The following SPN variants were observed in gnomAD, a reference collection of about 807,000 sequenced individuals.
SPN encodes sialophorin, also known as leukosialin.
In SPN, 6 loss-of-function variants were observed where a neutral mutation model predicts 8.4. The ratio of observed to expected loss-of-function variants is 0.72; its 90% confidence interval spans 0.39 to 1.42. SPN has a LOEUF of 1.42. Ranked by LOEUF, SPN falls within the 40% of genes most tolerant of loss-of-function variation. The pLI, the probability that SPN is intolerant of heterozygous loss-of-function variation, is 0.02. For synonymous variants in SPN, 201 were observed against 222.6 expected (o/e 0.90, Z 0.86); for missense variants, 517 against 530.6 (o/e 0.97, Z 0.25).
At position 29,664,932 on chromosome 16, in the gene SPN, G is replaced by T. The variant is rs775515010; in HGVS notation, c.*1G>T. ...AGGGGGAGACGGGGCTGCCCCTTAA[G>T]TGTCGGTGAATAGTGAGGCTGGAGG... On this transcript the variant is annotated 3_prime_UTR_variant, in exon 2 of 2. Transcript: ENST00000652691. This position sits in a 1 kb window ranked among gnomAD's most constrained non-coding sequence, Gnocchi z 6.4. 7.2e-7 allele frequency: 1 copy of T among 1,390,574 alleles called. No individual in the cohort carries two copies. The highest frequency in any genetic ancestry group is 2.8e-5 in the Admixed American group (1 of 36,350). The allele number at this position is 1,390,574 out of a possible 1,614,324, so 86.1% of individuals were successfully genotyped here.
In SPN at chr16:29,667,519, T is replaced by A. The variant is rs532677254; in HGVS notation, c.*2588T>A. ...CAGGCCGGGTGCGGTGGCTCACGCCTGTAATCTCAGCACTTTGGGAGGCCA... is the reference window on the plus strand; with the variant it reads ...CAGGCCGGGTGCGGTGGCTCACGCCAGTAATCTCAGCACTTTGGGAGGCCA... On this transcript the variant is annotated 3_prime_UTR_variant, in exon 2 of 2. Coordinates refer to ENST00000652691, the MANE Select transcript of SPN (RefSeq NM_003123.6). 6.0e-6 allele frequency: 1 copy of A among 166,116 alleles called. No individual in the cohort carries two copies. Among genetic ancestry groups the A allele is most frequent in the African/African-American group, 2.4e-5 (1 of 41,578 alleles). 10.3% of individuals were successfully genotyped at this position (166,116 alleles called of 1,614,324 possible).
chr16:29,668,918 A>AG lies in SPN; in HGVS notation c.*3990dup, dbSNP rs1407764012. The AG allele has an allele frequency of 3.0e-5, 5 of 166,322 alleles. No individual in the cohort carries two copies. The highest frequency in any genetic ancestry group is 1.2e-4 in the African/African-American group (5 of 41,294). The allele number at this position is 166,322 out of a possible 1,614,324, so 10.3% of individuals were successfully genotyped here. On this transcript the variant is annotated 3_prime_UTR_variant, in exon 2 of 2. Transcript: ENST00000652691. ...ATCCCAGCACTTTGGGAGGCAGAGC[A>AG]GGGAGGATTGCTTGAGTCTAGGAGT...
Position 29,663,531 on chromosome 16 carries a change from A to C in SPN, c.-34-164A>C, listed in dbSNP as rs1966761531. 1.3e-5 allele frequency among the ~76,000 whole-genome samples: 2 copies of C among 152,168 alleles called. No homozygotes were observed. Among genetic ancestry groups the C allele is most frequent in the African/African-American group, 4.8e-5 (2 of 41,442 alleles). On this transcript the variant is annotated intron_variant, in intron 1 of 1. Coordinates refer to ENST00000652691, the MANE Select transcript of SPN (RefSeq NM_003123.6). The surrounding 1 kb of genome is among the most constrained non-coding windows in gnomAD (Gnocchi z 4.3). Reference sequence around the variant, plus strand: ...TGGGGCTGATGGGGGAGCTGCCAGCATCTGTTCCTCTGTCATTTCTGATAA... The same window carrying C: ...TGGGGCTGATGGGGGAGCTGCCAGCCTCTGTTCCTCTGTCATTTCTGATAA...
chr16:29,670,161 G>A lies in SPN; in HGVS notation c.*5230G>A, dbSNP rs1966845115. The stretch of plus-strand genomic sequence containing the variant: ...TATAGTGAGCTGTGATCATGCCACT[G>A]CACTCCAGCCTGGGCAATAGTGTGA... On this transcript the variant is annotated 3_prime_UTR_variant, in exon 2 of 2. Coordinates refer to ENST00000652691, the MANE Select transcript of SPN (RefSeq NM_003123.6). The A allele has an allele frequency of 6.4e-6, 1 of 155,710 alleles. No homozygotes were observed. 9.6% of individuals were successfully genotyped at this position (155,710 alleles called of 1,614,324 possible).
rs547786928 is a variant in SPN at position 29,667,594 on chromosome 16, G to C, written c.*2663G>C. ...AGTTTGAGACCAGCCTGGCCAATAT[G>C]ATGAAACCCCGTTTCTACTAAAAAT... On this transcript the variant is annotated 3_prime_UTR_variant, in exon 2 of 2. Transcript: ENST00000652691. 6.5e-6 allele frequency: 1 copy of C among 154,692 alleles called. No individual in the cohort carries two copies. Among genetic ancestry groups the C allele is most frequent in the Middle Eastern group, 3.4e-3 (1 of 294 alleles). 9.6% of individuals were successfully genotyped at this position (154,692 alleles called of 1,614,324 possible).
chr16:29,666,971 T>C lies in SPN; in HGVS notation c.*2040T>C. ...CCTGCAAAAAAAGACAGGGGAGGCA[T>C]GTGAGTGTGACAGCCCTGCTCTGTG... On this transcript the variant is annotated 3_prime_UTR_variant, in exon 2 of 2. Coordinates refer to ENST00000652691, the MANE Select transcript of SPN (RefSeq NM_003123.6). 2.1e-6 allele frequency: 1 copy of C among 470,462 alleles called. No homozygotes were observed. The allele number at this position is 470,462 out of a possible 1,614,324, so 29.1% of individuals were successfully genotyped here.
At position 29,664,519 on chromosome 16, in the gene SPN, T is replaced by C. The variant is rs1596770864; in HGVS notation, c.791T>C (p.Leu264Pro). The C allele has an allele frequency of 6.2e-7, 1 of 1,614,156 alleles. No homozygotes were observed. The highest frequency in any genetic ancestry group is 8.5e-7 in the Non-Finnish European group (1 of 1,180,020). The change falls in exon 2 of 2, where the codon CTG becomes CCG. Residue 264 changes from leucine (L) to proline (P), a missense_variant. Coordinates refer to ENST00000652691, the MANE Select transcript of SPN (RefSeq NM_003123.6). This position sits in a 1 kb window ranked among gnomAD's most constrained non-coding sequence, Gnocchi z 6.4. ...GMLPVAVLVALLAVIVLVALL... is the reference protein window; with the variant it reads ...GMLPVAVLVAPLAVIVLVALL... Reference sequence around the variant, plus strand: ...CTGCCAGTGGCTGTGCTTGTGGCCCTGCTGGCGGTCATAGTCCTCGTGGCT... The same window carrying C: ...CTGCCAGTGGCTGTGCTTGTGGCCCCGCTGGCGGTCATAGTCCTCGTGGCT...
In SPN at chr16:29,668,844, T is replaced by TAA. The variant is rs869172851; in HGVS notation, c.*3924_*3925dup. 3 of 152,628 alleles carry TAA rather than the reference T, an allele frequency of 2.0e-5. No homozygotes were observed. The highest frequency in any genetic ancestry group is 5.2e-5 in the African/African-American group (2 of 38,574). 9.5% of individuals were successfully genotyped at this position (152,628 alleles called of 1,614,324 possible). On this transcript the variant is annotated 3_prime_UTR_variant, in exon 2 of 2. Coordinates refer to ENST00000652691, the MANE Select transcript of SPN (RefSeq NM_003123.6). ...GGGATAGCAGGTGGAAATACATAAT[T>TAA]AAAAAAAAAAAACGTGGAGCAGATC...
rs200527614 is a variant in SPN, at chr16:29,664,055, C to T, written c.327C>T (p.Thr109=). Residue 109 remains threonine, a synonymous_variant, in exon 2 of 2, where the codon ACC becomes ACT. Transcript: ENST00000652691. This position sits in a 1 kb window ranked among gnomAD's most constrained non-coding sequence, Gnocchi z 6.4. ...AGATGTCATCAGTGCCCCAGGAAACCCCTCATGCAACCAGTCATCCTGCTG... is the reference window on the plus strand; with the variant it reads ...AGATGTCATCAGTGCCCCAGGAAACTCCTCATGCAACCAGTCATCCTGCTG... ...SIKMSSVPQE[T]PHATSHPAVP... is the part of the protein sequence containing the mutation. The T allele has an allele frequency of 6.8e-5, 110 of 1,613,998 alleles. No homozygotes were observed. The highest frequency in any genetic ancestry group is 6.3e-5 in the Non-Finnish European group (74 of 1,180,002).
rs1966834937 is a variant in SPN at position 29,667,818 on chromosome 16, G to A, written c.*2887G>A. 2 of 163,472 alleles carry A rather than the reference G, an allele frequency of 1.2e-5. No individual in the cohort carries two copies. Among genetic ancestry groups the A allele is most frequent in the Non-Finnish European group, 1.5e-5 (1 of 68,086 alleles). The allele number at this position is 163,472 out of a possible 1,614,324, so 10.1% of individuals were successfully genotyped here. ...AATAAATAAAAGAGAGGCACAAACAGTGTTATGAATGCACCAAGGAAAATG... is the reference window on the plus strand; with the variant it reads ...AATAAATAAAAGAGAGGCACAAACAATGTTATGAATGCACCAAGGAAAATG... On this transcript the variant is annotated 3_prime_UTR_variant, in exon 2 of 2. Transcript: ENST00000652691.
In SPN at chr16:29,668,201, A is replaced by C. The variant is rs540366844; in HGVS notation, c.*3270A>C. ...TTATTTTTATTGTTTTCTACATATG[A>C]GAACCACCACACCTGGCTAATTTTT... On this transcript the variant is annotated 3_prime_UTR_variant, in exon 2 of 2. Transcript: ENST00000652691. 2 of 166,446 alleles carry C rather than the reference A, an allele frequency of 1.2e-5. No homozygotes were observed. Among genetic ancestry groups the C allele is most frequent in the Non-Finnish European group, 2.9e-5 (2 of 68,112 alleles). The allele number at this position is 166,446 out of a possible 1,614,324, so 10.3% of individuals were successfully genotyped here. A position where few individuals can be genotyped will look rare whatever the true frequency, so the allele number is the denominator to read the frequency against.
Position 29,664,159 on chromosome 16 carries a change from G to A in SPN, c.431G>A (p.Ser144Asn), listed in dbSNP as rs1367637742. The A allele has an allele frequency of 6.2e-7, 1 of 1,613,878 alleles. No individual in the cohort carries two copies. Among genetic ancestry groups the A allele is most frequent in the Non-Finnish European group, 8.5e-7 (1 of 1,180,012 alleles). ...TITTNSPETS[S>N]RTSGAPVTTA... Reference sequence around the variant, plus strand: ...ACAACGAACTCTCCAGAAACCTCCAGTAGGACCAGTGGAGCCCCTGTTACC... The same window carrying A: ...ACAACGAACTCTCCAGAAACCTCCAATAGGACCAGTGGAGCCCCTGTTACC... The change falls in exon 2 of 2, where the codon AGT (serine) becomes AAT (asparagine). Residue 144 changes from serine (S) to asparagine (N), a missense_variant. Physicochemically the swap from Ser to Asn is conservative, Grantham distance 46 (BLOSUM62 1). Coordinates refer to ENST00000652691, the MANE Select transcript of SPN (RefSeq NM_003123.6). The surrounding 1 kb of genome is among the most constrained non-coding windows in gnomAD (Gnocchi z 6.4).
At position 29,663,606 on chromosome 16, in the gene SPN, C is replaced by A; in HGVS notation, c.-34-89C>A. Reference sequence around the variant, plus strand: ...CCGTTAAACCGCAGGTTGGGCCTGGCCGTTGGCAGGGAAGTGGGCAGAGGG... The same window carrying A: ...CCGTTAAACCGCAGGTTGGGCCTGGACGTTGGCAGGGAAGTGGGCAGAGGG... On this transcript the variant is annotated intron_variant, in intron 1 of 1. Coordinates refer to ENST00000652691, the MANE Select transcript of SPN (RefSeq NM_003123.6). The surrounding 1 kb of genome is among the most constrained non-coding windows in gnomAD (Gnocchi z 4.3). 1 of 1,389,362 alleles carries A rather than the reference C, an allele frequency of 7.2e-7. No homozygotes were observed. The highest frequency in any genetic ancestry group is 9.7e-7 in the Non-Finnish European group (1 of 1,035,602). 86.1% of individuals were successfully genotyped at this position (1,389,362 alleles called of 1,614,324 possible).
chr16:29,665,071 T>G lies in SPN; in HGVS notation c.*140T>G. On this transcript the variant is annotated 3_prime_UTR_variant, in exon 2 of 2. Transcript: ENST00000652691. Reference sequence around the variant, plus strand: ...ACCCGAATCTCCTTTTTTTTTTTCTTTTGAGACAGAGTTTCGCTTTGTCGC... The same window carrying G: ...ACCCGAATCTCCTTTTTTTTTTTCTGTTGAGACAGAGTTTCGCTTTGTCGC... The G allele has an allele frequency of 1.3e-5, 14 of 1,039,616 alleles. No individual in the cohort carries two copies. Among genetic ancestry groups the G allele is most frequent in the Non-Finnish European group, 1.8e-5 (14 of 798,464 alleles). The allele number at this position is 1,039,616 out of a possible 1,614,324, so 64.4% of individuals were successfully genotyped here.
At position 29,664,059 on chromosome 16, in the gene SPN, C is replaced by A; in HGVS notation, c.331C>A (p.His111Asn). The A allele has an allele frequency of 6.2e-7, 1 of 1,614,056 alleles. No homozygotes were observed. The highest frequency in any genetic ancestry group is 1.1e-5 in the South Asian group (1 of 91,076). The change falls in exon 2 of 2, where the codon CAT becomes AAT. Residue 111 changes from histidine (H) to asparagine (N), a missense_variant. Physicochemically the swap from His to Asn is moderately conservative, Grantham distance 68. Coordinates refer to ENST00000652691, the MANE Select transcript of SPN (RefSeq NM_003123.6). The surrounding 1 kb of genome is among the most constrained non-coding windows in gnomAD (Gnocchi z 6.4). ...KMSSVPQETP[H>N]ATSHPAVPIT... ...GTCATCAGTGCCCCAGGAAACCCCT[C>A]ATGCAACCAGTCATCCTGCTGTTCC...
chr16:29,666,506 T>G lies in SPN; in HGVS notation c.*1575T>G, dbSNP rs1240779734. On this transcript the variant is annotated 3_prime_UTR_variant, in exon 2 of 2. Transcript: ENST00000652691. ...CTGCAGTACACATGCATGTGCGCTC[T>G]CTCTCTCTCTCTCTCTCTCACACAC... The G allele has an allele frequency of 6.6e-5, 7 of 106,652 alleles. No individual in the cohort carries two copies. In the South Asian group the frequency reaches 1.3e-3, roughly 19 times the overall value. 6.6% of individuals were successfully genotyped at this position (106,652 alleles called of 1,614,324 possible).
In SPN at chr16:29,664,489, G is replaced by C. The variant is rs1483019793; in HGVS notation, c.761G>C (p.Gly254Ala). The C allele has an allele frequency of 5.6e-6, 9 of 1,614,216 alleles. No homozygotes were observed. The highest frequency in any genetic ancestry group is 1.6e-4 in the Middle Eastern group (1 of 6,062). Residue 254 changes from glycine (G) to alanine (A), a missense_variant, in exon 2 of 2, where the codon GGC becomes GCC. Gly to Ala is a moderately conservative substitution (Grantham distance 60). Transcript: ENST00000652691. The surrounding 1 kb of genome is among the most constrained non-coding windows in gnomAD (Gnocchi z 6.4). ...CGGAACCCAGATGAGAACTCACGAG[G>C]CATGCTGCCAGTGGCTGTGCTTGTG... ...PFRNPDENSR[G>A]MLPVAVLVAL...
rs1966839996 is a variant in SPN, at chr16:29,668,446, GAA to G, written c.*3516_*3517del. ...TGAATGAATGAATGAATGAATGAAT[GAA>G]TGGAGATGACGCCTCAGAGATTCTT... On this transcript the variant is annotated 3_prime_UTR_variant, in exon 2 of 2. Coordinates refer to ENST00000652691, the MANE Select transcript of SPN (RefSeq NM_003123.6). 1 of 152,040 alleles carries G rather than the reference GAA, an allele frequency of 6.6e-6. No individual in the cohort carries two copies. The highest frequency in any genetic ancestry group is 1.5e-5 in the Non-Finnish European group (1 of 68,010). The allele number at this position is 152,040 out of a possible 1,614,324, so 9.4% of individuals were successfully genotyped here. A position where few individuals can be genotyped will look rare whatever the true frequency, so the allele number is the denominator to read the frequency against.
rs1043323081 is a variant in SPN, at chr16:29,664,444, A to G, written c.716A>G (p.Asn239Ser). The change falls in exon 2 of 2, where the codon AAC (asparagine) becomes AGC (serine). Residue 239 changes from asparagine (N) to serine (S), a missense_variant. Transcript: ENST00000652691. The surrounding 1 kb of genome is among the most constrained non-coding windows in gnomAD (Gnocchi z 6.4). ...ATGATGTCTCCAACGACCTCCACCA[A>G]CGCAAGCACTGTGCCCTTCCGGAAC... Reference protein sequence around the residue: ...STMMSPTTSTNASTVPFRNPD... With the variant: ...STMMSPTTSTSASTVPFRNPD... 1.9e-6 allele frequency: 3 copies of G among 1,614,030 alleles called. No homozygotes were observed. The highest frequency in any genetic ancestry group is 2.5e-6 in the Non-Finnish European group (3 of 1,179,974).
Sources: allele counts gnomAD v4.1 joint callset (sites outside exome capture counted in the v4.1 genomes callset), GRCh38; gene constraint gnomAD v4.1.1; non-coding constraint Gnocchi (gnomAD v3.1); transcripts MANE v1.5; gene names NCBI Gene and HGNC (gene_info 2026-07-23, HGNC 2026-07-21).